Variants in PUS7 observed in about 807,000 individuals in gnomAD.
PUS7 encodes pseudouridylate synthase 7 homolog.
PUS7 carries 48 observed loss-of-function variants against 79.8 expected under a neutral mutation model. That is an observed-to-expected ratio of 0.60 (90% CI 0.48 to 0.76). PUS7 has a LOEUF of 0.76. Ranked by LOEUF, PUS7 falls within the 30% of genes least tolerant of loss-of-function variation. The pLI is 0.00. For missense variants in PUS7, 729 were observed against 797.6 expected, an observed-to-expected ratio of 0.91 and a Z score of 1.04; for synonymous variants, 286 against 272.2, an observed-to-expected ratio of 1.05 and a Z score of -0.50.
chr7:105,460,912 G>C (rs1487475194), intron 14 of PUS7, among the ~76,000 whole-genome samples: 1 of 150,384 alleles, frequency 6.6e-6, no homozygotes, highest in Non-Finnish European at 1.5e-5. Context: ...TTGTCACCCA[G>C]GCTGGAGGGC....
At chr7:105,469,813 G>A (rs778142826) in intron 11 of PUS7, among the ~76,000 whole-genome samples, 23 of 151,996 alleles carry the variant, frequency 1.5e-4, no homozygotes, top group Non-Finnish European at 2.6e-4. Flanking sequence ...GGTTGGTCTC[G>A]AACTCCTAGC....
At chr7:105,497,560 G>A (rs1825085753) in intron 5 of PUS7, among the ~76,000 whole-genome samples, 1 of 152,108 alleles carries the variant, frequency 6.6e-6, no homozygotes, top group Admixed American at 6.5e-5. Context: ...TTCTGACCTT[G>A]TTTTTATCAT....
In PUS7 at chr7:105,477,758, G is replaced by C. The variant is rs1213898560; in HGVS notation, c.1175+3294C>G. On this transcript the variant is annotated intron_variant, in intron 9 of 15. Transcript: ENST00000469408. ...GTCACTCCCCATTGGTCCTGTTCCA[G>C]CTCTTTTTCTATAGATTTGCTCACA... Among the ~76,000 whole-genome samples, 3 of 151,592 alleles carry C rather than the reference G, an allele frequency of 2.0e-5. No homozygotes were observed. In the South Asian group the frequency reaches 6.2e-4, roughly 32 times the overall value.
At chr7:105,497,090 C>T in intron 5 of PUS7, 1 of 648,138 alleles carries the variant, frequency 1.5e-6, no homozygotes, top group South Asian at 4.3e-5. Context: ...AGGACTTCTA[C>T]AGCACCCGGT....
At chr7:105,482,499 T>G in intron 7 of PUS7, 59 bp from the exon 8 acceptor site, 6 of 1,494,660 alleles carry the variant, frequency 4.0e-6, no homozygotes, top group Non-Finnish European at 5.4e-6. Context: ...GATCATGAGA[T>G]ACTGATTGTC....
chr7:105,501,239 A>C (rs1825235054), intron 5 of PUS7, among the ~76,000 whole-genome samples: 1 of 152,234 alleles, frequency 6.6e-6, no homozygotes, highest in Non-Finnish European at 1.5e-5. Flanking sequence ...CTAATAAATA[A>C]ACAGTTTTTT....
intron 1 of PUS7, among the ~76,000 whole-genome samples, chr7:105,513,541 T>C (rs1009690346): frequency 6.6e-6 from 1 of 152,264 alleles, no homozygotes. Context: ...ATTGATGGGC[T>C]GGGCGCGGTG....
At chr7:105,479,020 C>T (rs1025298675) in intron 9 of PUS7, among the ~76,000 whole-genome samples, 4 of 152,176 alleles carry the variant, frequency 2.6e-5, no homozygotes, top group Admixed American at 6.5e-5. Context: ...CTTATTCTGT[C>T]CCATAATACA....
chr7:105,461,701 T>C (rs1281828464), intron 14 of PUS7, among the ~76,000 whole-genome samples: 1 of 152,208 alleles, frequency 6.6e-6, no homozygotes, highest in African/African-American at 2.4e-5. Context: ...TGTCAGGCAT[T>C]TCATCACCGT....
At chr7:105,477,892 T>C (rs1449112460) in intron 9 of PUS7, among the ~76,000 whole-genome samples, 1 of 152,146 alleles carries the variant, frequency 6.6e-6, no homozygotes, top group East Asian at 1.9e-4. Context: ...ATCCTCAAAC[T>C]CCTGGGCTTC....
chr7:105,503,133 A>C (rs1218813887), intron 4 of PUS7, among the ~76,000 whole-genome samples: 1 of 152,118 alleles, frequency 6.6e-6, no homozygotes, highest in Non-Finnish European at 1.5e-5. Flanking sequence ...CCATCATAAC[A>C]CCATTATATC....
chr7:105,495,081 G>GA (rs1036333042), intron 6 of PUS7, 61 bp downstream of exon 6: 4 of 956,754 alleles, frequency 4.2e-6, no homozygotes, highest in Non-Finnish European at 6.4e-6. Flanking sequence ...CATTAGCATG[G>GA]AAAAAGGAAT....
At position 105,457,827 on chromosome 7, in the gene PUS7, T is replaced by C; in HGVS notation, c.1949A>G (p.Lys650Arg). 6.2e-7 allele frequency: 1 copy of C among 1,614,222 alleles called. No homozygotes were observed. Among genetic ancestry groups the C allele is most frequent in the South Asian group, 1.1e-5 (1 of 91,086 alleles). ...REVLKMDTSI[K>R]NQTQLNTTWL... is the part of the protein sequence containing the mutation. The stretch of plus-strand genomic sequence containing the variant: ...GGTTGTATTCAGCTGCGTCTGGTTC[T>C]TGATACTGGTATCCATTTTTAGCAC... Residue 650 changes from lysine to arginine, a missense_variant, in exon 16 of 16, where the codon AAG (lysine) becomes AGG (arginine). By Grantham distance (26) the Lys-to-Arg change is conservative (BLOSUM62 2). Coordinates refer to ENST00000469408, the MANE Select transcript of PUS7 (RefSeq NM_019042.5).
chr7:105,486,934 C>A (rs1824574381), intron 7 of PUS7, among the ~76,000 whole-genome samples: 1 of 152,012 alleles, frequency 6.6e-6, no homozygotes, highest in Non-Finnish European at 1.5e-5. Flanking sequence ...GTGGTGCACA[C>A]CTGTAATCCC....
At chr7:105,467,034 G>GTTTTTTTTTTTTTTT (rs56177512) in intron 12 of PUS7, among the ~76,000 whole-genome samples, 1 of 70,698 alleles carries the variant, frequency 1.4e-5, no homozygotes, top group African/African-American at 4.8e-5. Context: ...AGTTTTTTCT[G>GTTTTTTTTTTTTTTT]TTTTTTTTTT....
intron 1 of PUS7, among the ~76,000 whole-genome samples, chr7:105,513,718 G>A (rs1480906874): frequency 1.6e-4 from 24 of 146,718 alleles, no homozygotes; most frequent in African/African-American, 6.0e-4. Flanking sequence ...GGTGCCTGTA[G>A]TCCCAGCTAC....
At chr7:105,477,567 CAA>C (rs933803310) in intron 9 of PUS7, among the ~76,000 whole-genome samples, 1 of 151,808 alleles carries the variant, frequency 6.6e-6, no homozygotes, top group Non-Finnish European at 1.5e-5. Flanking sequence ...TTCTTTTTTT[CAA>C]AGTTTTTGCT....
intron 1 of PUS7, among the ~76,000 whole-genome samples, chr7:105,521,475 G>A (rs1478567486): frequency 1.3e-5 from 2 of 152,212 alleles, no homozygotes; most frequent in African/African-American, 2.4e-5. Context: ...AGCACTCTGA[G>A]TCTGCAGCCC....
At chr7:105,508,955 C>G (rs35672975) in intron 1 of PUS7, among the ~76,000 whole-genome samples, 2 of 137,858 alleles carry the variant, frequency 1.5e-5, no homozygotes, top group Admixed American at 7.8e-5. Flanking sequence ...CCGAGGTGGG[C>G]GGATCACAAG....
Sources: gnomAD v4.1 joint callset for allele counts (sites outside exome capture counted in the v4.1 genomes callset) on GRCh38, gnomAD v4.1.1 for gene constraint, MANE v1.5 for transcripts, NCBI Gene and HGNC (gene_info 2026-07-23, HGNC 2026-07-21) for gene names.